Variants in SMCO2 observed in about 807,000 individuals in gnomAD.
SMCO2 encodes the protein single-pass membrane protein with coiled-coil domains 2, also known as single-pass membrane and coiled-coil domain-containing protein 2.
A neutral mutation model predicts 29.5 loss-of-function variants in SMCO2; 25 were observed. The ratio of observed to expected loss-of-function variants is 0.85; its 90% CI spans 0.62 to 1.18. SMCO2 has a LOEUF of 1.18. SMCO2 is among the 50% of genes most tolerant of loss of function. The pLI is 0.00. For missense variants in SMCO2, 348 were observed against 344.5 expected (o/e 1.01, Z -0.08); for synonymous variants, 117 against 123.3 (o/e 0.95, Z 0.34).
At chr12:27,436,548 AAAG>A in the SMCO2 span, among the ~76,000 whole-genome samples, 4 of 152,174 alleles carry the variant, frequency 2.6e-5, no homozygotes, top group Non-Finnish European at 5.9e-5. Flanking sequence ...GAAGAAACGA[AAAG>A]AAGAAAACAA....
intron 6 of SMCO2, among the ~76,000 whole-genome samples, chr12:27,494,934 T>C (rs548657988): frequency 6.6e-6 from 1 of 152,108 alleles, no homozygotes; most frequent in South Asian, 2.1e-4. Context: ...TGCTTGCCCT[T>C]CGGGTCTACA....
chr12:27,496,819 T>G (rs1212120215), intron 7 of SMCO2: 8 of 150,830 alleles, frequency 5.3e-5, no homozygotes, highest in Non-Finnish European at 1.2e-4. Context: ...CATGGCATGT[T>G]ATTGAAATTA....
the SMCO2 span, among the ~76,000 whole-genome samples, chr12:27,448,860 C>T: frequency 6.6e-5 from 10 of 152,018 alleles, no homozygotes; most frequent in Admixed American, 1.3e-4. Context: ...CTCAATCTCC[C>T]GCTCCCACAC....
the SMCO2 span, among the ~76,000 whole-genome samples, chr12:27,434,419 T>C: frequency 6.6e-6 from 1 of 152,196 alleles, no homozygotes. Flanking sequence ...CTTTGTGATC[T>C]TAGTAATAAT....
the SMCO2 span, among the ~76,000 whole-genome samples, chr12:27,444,597 A>G: frequency 6.6e-6 from 1 of 152,274 alleles, no homozygotes; most frequent in South Asian, 2.1e-4. Context: ...AAACATCACT[A>G]AATCATCAGA....
intron 4 of SMCO2, among the ~76,000 whole-genome samples, chr12:27,482,059 G>T (rs1949648300): frequency 6.7e-6 from 1 of 149,000 alleles, no homozygotes; most frequent in African/African-American, 2.5e-5. Context: ...GGCTTATGTT[G>T]CTATCCTCTT....
At chr12:27,483,908 G>C (rs532075642) in intron 4 of SMCO2, among the ~76,000 whole-genome samples, 3 of 152,182 alleles carry the variant, frequency 2.0e-5, no homozygotes, top group East Asian at 1.9e-4. Flanking sequence ...CCCATGATAC[G>C]TCAGGGGTTT....
the SMCO2 span, among the ~76,000 whole-genome samples, chr12:27,450,973 A>C: frequency 6.6e-6 from 1 of 152,238 alleles, no homozygotes; most frequent in Non-Finnish European, 1.5e-5. Flanking sequence ...TTTAGGAGAC[A>C]CTGATTTATT....
the SMCO2 span, among the ~76,000 whole-genome samples, chr12:27,461,394 T>G: frequency 2.0e-5 from 3 of 152,260 alleles, no homozygotes; most frequent in Non-Finnish European, 4.4e-5. Context: ...TTTTCAATCC[T>G]CCTCCTCCTC....
chr12:27,457,695 CA>C, the SMCO2 span, among the ~76,000 whole-genome samples: 1 of 152,248 alleles, frequency 6.6e-6, no homozygotes, highest in Non-Finnish European at 1.5e-5. Flanking sequence ...ACATCAGTGG[CA>C]CTTTCATTGC....
At chr12:27,497,451 C>A in intron 7 of SMCO2, 1 of 212,360 alleles carries the variant, frequency 4.7e-6, no homozygotes. Context: ...ATGGTAAAAT[C>A]AGATGGAGGC....
chr12:27,486,253 C>T (rs962729594), intron 4 of SMCO2, among the ~76,000 whole-genome samples: 2 of 152,194 alleles, frequency 1.3e-5, no homozygotes, highest in Admixed American at 6.5e-5. Flanking sequence ...GCAGCTCTCT[C>T]CTCTTTGGCA....
At chr12:27,465,280 G>C (rs1315709201), upstream of SMCO2, among the ~76,000 whole-genome samples, 3 of 152,186 alleles carry the variant, frequency 2.0e-5, no homozygotes, top group Admixed American at 1.3e-4. Flanking sequence ...TAGCGCATTA[G>C]TAACCACTCA....
the SMCO2 span, among the ~76,000 whole-genome samples, chr12:27,441,949 G>T: frequency 2.0e-5 from 3 of 152,082 alleles, no homozygotes; most frequent in Admixed American, 1.3e-4. Flanking sequence ...TAAACAACAT[G>T]CTCCTGAACA....
At chr12:27,437,088 A>G in the SMCO2 span, among the ~76,000 whole-genome samples, 2 of 152,192 alleles carry the variant, frequency 1.3e-5, no homozygotes, top group African/African-American at 2.4e-5. Context: ...CATATATATG[A>G]TGTAGACATT....
chr12:27,443,099 G>C, the SMCO2 span, among the ~76,000 whole-genome samples: 1 of 152,182 alleles, frequency 6.6e-6, no homozygotes, highest in Non-Finnish European at 1.5e-5. Context: ...GATGGACATA[G>C]ATGCAAAAAT....
chr12:27,497,909 C>A (rs1274681668), intron 7 of SMCO2: 5 of 344,866 alleles, frequency 1.4e-5, no homozygotes, highest in South Asian at 3.3e-5. Context: ...TTGGTATGAT[C>A]CTAAAGTAAC....
At chr12:27,480,034 TC>T (rs1432398646) in intron 4 of SMCO2, among the ~76,000 whole-genome samples, 1 of 152,118 alleles carries the variant, frequency 6.6e-6, no homozygotes, top group Non-Finnish European at 1.5e-5. Context: ...AGCATAGCCC[TC>T]AGTCTGTGGC....
chr12:27,478,785 G>A (rs1439139334), intron 4 of SMCO2, among the ~76,000 whole-genome samples: 1 of 139,446 alleles, frequency 7.2e-6, no homozygotes, highest in Non-Finnish European at 1.5e-5. Context: ...GTACCCTGAA[G>A]GCAGGGCAGG....
Sources: gnomAD v4.1 joint callset for allele counts (sites outside exome capture counted in the v4.1 genomes callset) on GRCh38, gnomAD v4.1.1 for gene constraint, MANE v1.5 for transcripts, NCBI Gene and HGNC (gene_info 2026-07-23, HGNC 2026-07-21) for gene names.